IRAG2: variants seen among roughly 807,000 people sequenced by gnomAD.
IRAG2 encodes the protein lymphoid restricted membrane protein.
IRAG2 carries 45 observed loss-of-function variants against 69.9 expected under a neutral mutation model. The observed-to-expected ratio is 0.64, with a 90% CI of 0.51 to 0.83. The LOEUF (loss-of-function observed/expected upper bound fraction) is 0.83, where lower values mean the gene tolerates loss of function less well. IRAG2 is among the 40% of genes least tolerant of loss of function. IRAG2 has a pLI of 0.00. For synonymous variants in IRAG2, 193 were observed against 202.4 expected (o/e 0.95, Z 0.40); for missense variants, 520 against 587.0 (o/e 0.89, Z 1.18).
chr12:25,099,680 G>C (rs1948630314), intron 15 of IRAG2, among the ~76,000 whole-genome samples: 1 of 151,960 alleles, frequency 6.6e-6, no homozygotes, highest in African/African-American at 2.4e-5. Flanking sequence ...GTTTACTTGG[G>C]GTAAAACCCA....
intron 2 of IRAG2, among the ~76,000 whole-genome samples, chr12:25,009,524 G>GCT (rs1944458255): frequency 6.6e-6 from 1 of 152,160 alleles, no homozygotes; most frequent in Admixed American, 6.5e-5. Context: ...ATTAGCCAGG[G>GCT]CTCTCTGGTG....
At chr12:25,055,300 A>G (rs1945163781) in intron 1 of IRAG2, among the ~76,000 whole-genome samples, 1 of 152,248 alleles carries the variant, frequency 6.6e-6, no homozygotes, top group African/African-American at 2.4e-5. Flanking sequence ...GAGGCAATTC[A>G]TGTGCATGAT....
chr12:25,016,215 G>A (rs758032198), intron 5 of IRAG2, among the ~76,000 whole-genome samples: 15 of 150,966 alleles, frequency 9.9e-5, no homozygotes, highest in Middle Eastern at 6.9e-3. Context: ...AAAGAAAAGT[G>A]GAGTGGGAAC....
intron 9 of IRAG2, among the ~76,000 whole-genome samples, chr12:25,081,151 GTCTCTC>G (rs10629974): frequency 1.3e-5 from 2 of 151,546 alleles, no homozygotes; most frequent in African/African-American, 4.9e-5. Context: ...TGTGAATGTG[GTCTCTC>G]TCTCTCTCAA....
At chr12:25,005,435 T>C (rs1035707335) in intron 2 of IRAG2, 8 of 554,642 alleles carry the variant, frequency 1.4e-5, no homozygotes, top group African/African-American at 3.9e-5. Flanking sequence ...GAAAGGGAAA[T>C]GATTTGTGTG....
At chr12:25,025,474 A>AC (rs1944613601) in intron 8 of IRAG2, among the ~76,000 whole-genome samples, 1 of 152,252 alleles carries the variant, frequency 6.6e-6, no homozygotes, top group African/African-American at 2.4e-5. Flanking sequence ...AGGGGCTTAC[A>AC]CACGCATCCT....
intron 3 of IRAG2, among the ~76,000 whole-genome samples, chr12:25,011,772 C>T (rs901777057): frequency 3.3e-5 from 5 of 152,034 alleles, no homozygotes; most frequent in South Asian, 2.1e-4. Flanking sequence ...AACAAGTTTC[C>T]GATGATATTG....
chr12:25,088,026 G>A, intron 10 of IRAG2, 74 bp from the exon 11 acceptor site: 1 of 1,097,138 alleles, frequency 9.1e-7, no homozygotes, highest in Non-Finnish European at 1.4e-6. Flanking sequence ...CTTAGGAGAG[G>A]ACAGGAAGTA....
chr12:25,082,605 A>AC (rs1218942553), intron 9 of IRAG2, among the ~76,000 whole-genome samples: 1 of 72,638 alleles, frequency 1.4e-5, no homozygotes, highest in Non-Finnish European at 3.5e-5. Context: ...GTCTCAAAAA[A>AC]AAAACAAAAA....
intron 9 of IRAG2, among the ~76,000 whole-genome samples, chr12:25,083,211 C>T (rs1263284714): frequency 6.6e-6 from 1 of 152,110 alleles, no homozygotes. Flanking sequence ...TACAGATGTT[C>T]ACTTCTTTTA....
chr12:25,087,128 T>C (rs535944892), intron 10 of IRAG2, among the ~76,000 whole-genome samples: 1 of 149,510 alleles, frequency 6.7e-6, no homozygotes, highest in Admixed American at 6.7e-5. Context: ...ACTCAAGTCA[T>C]GGTGTCATGG....
intron 16 of IRAG2, among the ~76,000 whole-genome samples, chr12:25,044,021 T>C (rs539311682): frequency 1.3e-5 from 2 of 152,232 alleles, no homozygotes; most frequent in East Asian, 3.9e-4. Flanking sequence ...ACTGTAATGG[T>C]TGTGGTTAAA....
rs1565562549 is a variant in IRAG2 at position 25,077,242 on chromosome 12, AATATATATATG to A, written c.25-1989_25-1979del. 1.3e-4 allele frequency among the ~76,000 whole-genome samples: 11 copies of A among 87,430 alleles called. 1 individual carries two copies. Among genetic ancestry groups the A allele is most frequent in the South Asian group, 3.5e-4 (1 of 2,864 alleles). 57.4% of individuals were successfully genotyped at this position (87,430 alleles called of 152,430 possible). A position where few individuals can be genotyped will look rare whatever the true frequency, so the allele number is the denominator to read the frequency against. On this transcript the variant is annotated intron_variant, in intron 6 of 21. Transcript: ENST00000556887. ...TGAAATATATATGATATATATATGA[AATATATATATG>A]ATATATATATGAAATATATATGAAA... is the stretch of plus-strand genomic sequence containing the variant.
intron 6 of IRAG2, among the ~76,000 whole-genome samples, chr12:25,074,891 TA>T (rs1254962586): frequency 3.9e-5 from 6 of 152,238 alleles, no homozygotes; most frequent in African/African-American, 1.4e-4. Context: ...AGGATCAATT[TA>T]AAAATATCTC....
intron 16 of IRAG2, among the ~76,000 whole-genome samples, chr12:25,046,894 AG>A (rs1944799004): frequency 6.6e-6 from 1 of 152,218 alleles, no homozygotes; most frequent in Middle Eastern, 3.2e-3. Flanking sequence ...GAAAGAACAA[AG>A]ATGGAGACAT....
chr12:25,028,424 A>G (rs16915688), intron 9 of IRAG2, among the ~76,000 whole-genome samples: 7,239 of 152,224 alleles, frequency 0.048, 215 homozygotes, highest in Non-Finnish European at 0.058. Flanking sequence ...AATATTTCAG[A>G]TATTGTACCT....
Position 25,052,722 on chromosome 12 carries a change from T to C in IRAG2, c.-681T>C, listed in dbSNP as rs1252041818. ...CACATTTTCAGTTTTGCCTGCATCA[T>C]AAGAGTGAGCACTCCATTGCTTTCT... is the stretch of plus-strand genomic sequence containing the variant. On this transcript the variant is annotated 5_prime_UTR_variant, in exon 1 of 22. Coordinates refer to ENST00000556887, the MANE Select transcript of IRAG2 (RefSeq NM_001366544.2). 5 of 398,322 alleles carry C rather than the reference T, an allele frequency of 1.3e-5. No individual in the cohort carries two copies. The highest frequency in any genetic ancestry group is 2.2e-5 in the Non-Finnish European group (5 of 226,056). 24.7% of individuals were successfully genotyped at this position (398,322 alleles called of 1,614,324 possible).
Position 25,069,411 on chromosome 12 carries a change from A to C in IRAG2, c.4A>C (p.Asn2His). 1 of 1,614,076 alleles carries C rather than the reference A, an allele frequency of 6.2e-7. No individual in the cohort carries two copies. Among genetic ancestry groups the C allele is most frequent in the Non-Finnish European group, 8.5e-7 (1 of 1,179,940 alleles). Residue 2 changes from asparagine (N) to histidine (H), a missense_variant, in exon 6 of 22, where the codon AAT becomes CAT. Physicochemically the swap from Asn to His is moderately conservative, Grantham distance 68. Transcript: ENST00000556887. ...GAATCTCTCAGGCTGCATCAGGATG[A>C]ATGATGACCCAAGTATGGAAGTGAG... M[N>H]DDPSMEENGV...
At chr12:25,011,892 G>C (rs1324247495) in intron 3 of IRAG2, among the ~76,000 whole-genome samples, 1 of 152,154 alleles carries the variant, frequency 6.6e-6, no homozygotes, top group Non-Finnish European at 1.5e-5. Context: ...TGACATACGA[G>C]TCAGGTGAAT....
Sources: gnomAD v4.1 joint callset for allele counts (sites outside exome capture counted in the v4.1 genomes callset) on GRCh38, gnomAD v4.1.1 for gene constraint, MANE v1.5 for transcripts, NCBI Gene and HGNC (gene_info 2026-07-23, HGNC 2026-07-21) for gene names.